Variants in GSDMB observed in about 807,000 individuals in gnomAD.
GSDMB encodes gasdermin B.
In GSDMB, 32 loss-of-function variants were observed where a neutral mutation model predicts 42.9. That is an observed-to-expected ratio of 0.75 (90% CI 0.56 to 1.00). GSDMB has a LOEUF of 1.00. Among genes scored for constraint, GSDMB ranks in the 50% least tolerant of loss-of-function variants. GSDMB has a pLI of 0.00. For synonymous variants in GSDMB, 175 were observed against 193.7 expected (o/e 0.90, Z 0.80); for missense variants, 468 against 498.5 (o/e 0.94, Z 0.58).
chr17:39,907,852 T>C, intron 6 of GSDMB: 1 of 283,622 alleles, frequency 3.5e-6, no homozygotes, highest in East Asian at 7.3e-5. Context: ...CCAGGACCCT[T>C]TTCACAGCCA....
chr17:39,912,189 C>T (rs1266041841), intron 3 of GSDMB, 137 bp downstream of exon 3: 4 of 638,848 alleles, frequency 6.3e-6, no homozygotes, highest in East Asian at 2.8e-5. Flanking sequence ...CAGTCCCCCA[C>T]AAAGCTCATG....
At position 39,905,059 on chromosome 17, in the gene GSDMB, G is replaced by A. The variant is rs944855225; in HGVS notation, c.1099-95C>T. On this transcript the variant is annotated intron_variant, in intron 10 of 10. Transcript: ENST00000418519. ...ACACTCCTTGCTGCTGAGCTGATAGGCAGACGTAATAATCCATCATGGCAC... is the reference window on the plus strand; with the variant it reads ...ACACTCCTTGCTGCTGAGCTGATAGACAGACGTAATAATCCATCATGGCAC... 1.8e-5 allele frequency: 18 copies of A among 1,010,356 alleles called. No individual in the cohort carries two copies. The African/African-American group carries it at 2.9e-4, about 16-fold the overall frequency. 62.6% of individuals were successfully genotyped at this position (1,010,356 alleles called of 1,614,324 possible).
intron 3 of GSDMB, among the ~76,000 whole-genome samples, chr17:39,911,685 GTT>G (rs2063612002): frequency 6.6e-6 from 1 of 152,196 alleles, no homozygotes; most frequent in Non-Finnish European, 1.5e-5. Flanking sequence ...ATACAGAGAG[GTT>G]AGTAAAGTCA....
rs1242208041 is a variant in GSDMB at position 39,906,092 on chromosome 17, CT to C, written c.888+18del. ...GCTCCTATCTCTCTCTGCCCCAAGG[CT>C]TTCTTAGGGTCCCTTACTCTTTGCT... On this transcript the variant is annotated intron_variant, in intron 8 of 10. Transcript: ENST00000418519. 1 of 1,613,640 alleles carries C rather than the reference CT, an allele frequency of 6.2e-7. No individual in the cohort carries two copies. Among genetic ancestry groups the C allele is most frequent in the Non-Finnish European group, 8.5e-7 (1 of 1,179,730 alleles).
At chr17:39,905,131 G>A (rs2063481294) in intron 10 of GSDMB, 167 bp from the exon 11 acceptor site, 2 of 642,348 alleles carry the variant, frequency 3.1e-6, no homozygotes, top group Non-Finnish European at 5.5e-6. Flanking sequence ...CAACATAGTG[G>A]CAGGCTCTGC....
At chr17:39,908,646 C>T (rs1294614102) in intron 5 of GSDMB, among the ~76,000 whole-genome samples, 1 of 152,196 alleles carries the variant, frequency 6.6e-6, no homozygotes, top group East Asian at 1.9e-4. Flanking sequence ...TCCCAAAGTG[C>T]TGGGATTACA....
At chr17:39,906,740 A>C in intron 7 of GSDMB, 1 of 1,297,998 alleles carries the variant, frequency 7.7e-7, no homozygotes, top group Non-Finnish European at 1.0e-6. Flanking sequence ...AGTCGTCACT[A>C]GTTTTAAAGT....
intron 2 of GSDMB, among the ~76,000 whole-genome samples, chr17:39,914,688 A>G (rs549949321): frequency 6.8e-6 from 1 of 147,998 alleles, no homozygotes; most frequent in African/African-American, 2.5e-5. Context: ...ACTTGAACCT[A>G]GAGGTGAAGG....
chr17:39,905,867 T>G lies in GSDMB; in HGVS notation c.1007A>C (p.Asp336Ala), dbSNP rs572572336. ...LVEARAKAIL[D>A]FLDALLELSE... ...CTCACCTAGCAGGGCATCCAGGAAG[T>G]CCAGAATGGCTTTTGCACGCGCTTC... Residue 336 changes from aspartate to alanine, a missense_variant, in exon 9 of 11, where the codon GAC becomes GCC. Transcript: ENST00000418519. 6.2e-7 allele frequency: 1 copy of G among 1,613,896 alleles called. No homozygotes were observed. Among genetic ancestry groups the G allele is most frequent in the South Asian group, 1.1e-5 (1 of 91,060 alleles).
chr17:39,907,192 T>C, intron 6 of GSDMB: 2 of 1,405,300 alleles, frequency 1.4e-6, no homozygotes, highest in Non-Finnish European at 1.9e-6. Flanking sequence ...CAGGCAGTCA[T>C]AGGACTGTGC....
chr17:39,906,746 A>T, intron 7 of GSDMB: 1 of 1,327,528 alleles, frequency 7.5e-7, no homozygotes, highest in Non-Finnish European at 9.8e-7. Flanking sequence ...CACTAGTTTT[A>T]AAGTTTCCTG....
chr17:39,906,788 A>G, intron 7 of GSDMB, 173 bp downstream of exon 7: 1 of 1,434,322 alleles, frequency 7.0e-7, no homozygotes, highest in Non-Finnish European at 9.1e-7. Context: ...AATGAGAACC[A>G]CTGTGTTTAG....
chr17:39,906,569 G>A (rs1598273678), intron 7 of GSDMB: 2 of 1,348,462 alleles, frequency 1.5e-6, no homozygotes, highest in South Asian at 1.8e-5. Flanking sequence ...GCCATTCAAA[G>A]TGCAGTCCTC....
At chr17:39,910,232 G>A (rs1163852237) in intron 3 of GSDMB, among the ~76,000 whole-genome samples, 2 of 152,280 alleles carry the variant, frequency 1.3e-5, no homozygotes, top group East Asian at 3.9e-4. Context: ...GCTGAGACAG[G>A]AGAATCACTT....
intron 5 of GSDMB, 58 bp downstream of exon 5, chr17:39,908,900 C>G: frequency 9.2e-7 from 1 of 1,084,264 alleles, no homozygotes; most frequent in Non-Finnish European, 1.4e-6. Context: ...AATCCCACCC[C>G]CCACCTCACT....
chr17:39,916,841 G>C (rs1046016103), intron 2 of GSDMB, among the ~76,000 whole-genome samples: 1 of 152,068 alleles, frequency 6.6e-6, no homozygotes, highest in Admixed American at 6.5e-5. Context: ...TTTTACAAGG[G>C]AAAAAATGGA....
At chr17:39,910,120 G>A (rs1025657078) in intron 3 of GSDMB, among the ~76,000 whole-genome samples, 196 bp from the exon 4 acceptor site, 16 of 152,106 alleles carry the variant, frequency 1.1e-4, no homozygotes, top group Non-Finnish European at 2.1e-4. Context: ...AAAGTAGGGT[G>A]AGAGGCCAGG....
chr17:39,916,936 C>A, intron 2 of GSDMB, 146 bp downstream of exon 2: 1 of 606,204 alleles, frequency 1.6e-6, no homozygotes, highest in Non-Finnish European at 3.0e-6. Flanking sequence ...CTCTTCCGTG[C>A]ATTTCTTAAA....
intron 2 of GSDMB, among the ~76,000 whole-genome samples, chr17:39,915,173 T>C (rs1287652906): frequency 6.6e-6 from 1 of 152,174 alleles, no homozygotes; most frequent in Non-Finnish European, 1.5e-5. Flanking sequence ...GGTTTCGCCA[T>C]GTTGGCCAGG....
Sources: gnomAD v4.1 joint callset for allele counts (sites outside exome capture counted in the v4.1 genomes callset) on GRCh38, gnomAD v4.1.1 for gene constraint, MANE v1.5 for transcripts, NCBI Gene and HGNC (gene_info 2026-07-23, HGNC 2026-07-21) for gene names.